Variants in DPPA2 observed in about 807,000 individuals in gnomAD.
The protein encoded by DPPA2 is developmental pluripotency associated 2.
A neutral mutation model predicts 36.2 loss-of-function variants in DPPA2; 26 were observed. The ratio of observed to expected loss-of-function variants is 0.72; its 90% CI spans 0.53 to 1.00. The LOEUF (loss-of-function observed/expected upper bound fraction) is 1.00. Ranked by LOEUF, DPPA2 falls within the 50% of genes least tolerant of loss-of-function variation. The pLI is 0.00. For synonymous variants in DPPA2, 113 were observed against 123.2 expected (o/e 0.92, Z 0.55); for missense variants, 361 against 365.1 (o/e 0.99, Z 0.09).
chr3:109,296,822 G>A (rs1440780850), intron 8 of DPPA2, among the ~76,000 whole-genome samples: 2 of 151,930 alleles, frequency 1.3e-5, no homozygotes, highest in African/African-American at 4.8e-5. Context: ...TGTGCAAAAA[G>A]GCCAGGCAAA....
rs1046689381 is a variant in DPPA2, at chr3:109,310,725, C to T, written c.182-1395G>A. Among the ~76,000 whole-genome samples the T allele has an allele frequency of 2.0e-5, 3 of 151,080 alleles. No homozygotes were observed. In the South Asian group the frequency reaches 6.3e-4, roughly 32 times the overall value. ...TTCACTATGTTGGCCAGGCTGGTCT[C>T]GAACGCCTGACCTTGTGATCTGCCC... On this transcript the variant is annotated intron_variant, in intron 3 of 8. Transcript: ENST00000478945.
chr3:109,305,297 C>T (rs1186949821), intron 6 of DPPA2, among the ~76,000 whole-genome samples: 2 of 152,124 alleles, frequency 1.3e-5, no homozygotes, highest in South Asian at 4.1e-4. Flanking sequence ...TATTTACCTT[C>T]TATTTGCTTT....
intron 3 of DPPA2, among the ~76,000 whole-genome samples, chr3:109,310,765 A>G (rs1707694554): frequency 6.6e-6 from 1 of 151,420 alleles, no homozygotes; most frequent in South Asian, 2.1e-4. Flanking sequence ...TGGCCGCCCA[A>G]AGTGCTGGGA....
chr3:109,309,908 C>T (rs1481788029), intron 3 of DPPA2, among the ~76,000 whole-genome samples: 1 of 151,428 alleles, frequency 6.6e-6, no homozygotes, highest in African/African-American at 2.4e-5. Flanking sequence ...ATGGTAAAAC[C>T]CCGTCTCTAC....
At chr3:109,307,133 T>A (rs1489005536) in intron 6 of DPPA2, among the ~76,000 whole-genome samples, 1 of 151,648 alleles carries the variant, frequency 6.6e-6, no homozygotes, top group African/African-American at 2.4e-5. Context: ...CATGCCCGGC[T>A]TTTTTTCGTA....
intron 8 of DPPA2, among the ~76,000 whole-genome samples, chr3:109,299,969 C>T (rs1175283136): frequency 5.9e-5 from 9 of 152,068 alleles, no homozygotes; most frequent in African/African-American, 2.2e-4. Context: ...AAGTTACTAA[C>T]AGAGGAAAAT....
rs1057353021 is a variant in DPPA2, at chr3:109,314,422, T to C, written c.33+88A>G. 3 of 1,350,248 alleles carry C rather than the reference T, an allele frequency of 2.2e-6. No individual in the cohort carries two copies. The African/African-American group carries it at 4.4e-5, about 20-fold the overall frequency. The allele number at this position is 1,350,248 out of a possible 1,614,324, so 83.6% of individuals were successfully genotyped here. ...GATTTCTTACATCCAGGAATGAAGATTTGTGGTAAAAGAGAAACATAAGGG... is the reference window on the plus strand; with the variant it reads ...GATTTCTTACATCCAGGAATGAAGACTTGTGGTAAAAGAGAAACATAAGGG... On this transcript the variant is annotated intron_variant, in intron 2 of 8. Coordinates refer to ENST00000478945, the MANE Select transcript of DPPA2 (RefSeq NM_138815.4).
Position 109,300,395 on chromosome 3 carries a change from A to T in DPPA2, c.895T>A (p.Ter299LysextTer5). Residue 299 changes from the stop codon to lysine, a stop_lost, in exon 8 of 9, where the codon TAG (stop) becomes AAG (lysine). Transcript: ENST00000478945. ...MMKRLMTVEK[*>K] ...CATTGTATTCAAACAGGTTGCTGCT[A>T]CTTCTCTACTGTCATTAATCTTTTC... 1 of 1,613,822 alleles carries T rather than the reference A, an allele frequency of 6.2e-7. No individual in the cohort carries two copies. Among genetic ancestry groups the T allele is most frequent in the Non-Finnish European group, 8.5e-7 (1 of 1,179,788 alleles).
intron 3 of DPPA2, 21 bp from the exon 4 acceptor site, chr3:109,309,351 A>C (rs1707653058): frequency 6.2e-7 from 1 of 1,611,344 alleles, no homozygotes; most frequent in Non-Finnish European, 8.5e-7. Context: ...AATGGAACCA[A>C]AGTAGTAATA....
intron 7 of DPPA2, 98 bp from the exon 8 acceptor site, chr3:109,300,533 A>G: frequency 1.6e-6 from 2 of 1,231,398 alleles, no homozygotes; most frequent in Non-Finnish European, 2.4e-6. Context: ...TAAAGCATGC[A>G]CTTCTGGGCC....
chr3:109,310,959 G>A (rs1707699311), intron 3 of DPPA2, among the ~76,000 whole-genome samples: 1 of 151,930 alleles, frequency 6.6e-6, no homozygotes, highest in Non-Finnish European at 1.5e-5. Context: ...GTGCCACCAT[G>A]CCTGGATAAT....
At chr3:109,309,811 C>A (rs566088317) in intron 3 of DPPA2, among the ~76,000 whole-genome samples, 1 of 152,126 alleles carries the variant, frequency 6.6e-6, no homozygotes, top group African/African-American at 2.4e-5. Context: ...CACGGTGGCT[C>A]ACACCTATAA....
At chr3:109,312,435 G>A (rs556401814) in intron 3 of DPPA2, 110 bp downstream of exon 3, 2 of 1,350,934 alleles carry the variant, frequency 1.5e-6, no homozygotes, top group East Asian at 4.6e-5. Flanking sequence ...AACAAGGTGA[G>A]ATTTAAGCTG....
chr3:109,307,482 A>G (rs1311257779), intron 6 of DPPA2, among the ~76,000 whole-genome samples: 2 of 151,696 alleles, frequency 1.3e-5, no homozygotes, highest in Non-Finnish European at 2.9e-5. Context: ...GGGTGCCTGT[A>G]ATTCCAGCTA....
chr3:109,299,083 G>C (rs370514660), intron 8 of DPPA2, among the ~76,000 whole-genome samples: 1 of 151,850 alleles, frequency 6.6e-6, no homozygotes, highest in Admixed American at 6.6e-5. Context: ...AAAGAGGCCG[G>C]GCACGGTGGC....
intron 6 of DPPA2, among the ~76,000 whole-genome samples, chr3:109,305,632 G>T (rs1375711904): frequency 6.6e-6 from 1 of 152,088 alleles, no homozygotes; most frequent in East Asian, 1.9e-4. Context: ...AAATTAGCTG[G>T]GTGTGGTGGC....
chr3:109,314,427 G>T (rs1210616645), intron 2 of DPPA2, 83 bp downstream of exon 2: 6 of 1,380,222 alleles, frequency 4.3e-6, no homozygotes, highest in Non-Finnish European at 2.0e-6. Context: ...GAAGATTTGT[G>T]GTAAAAGAGA....
rs1207627651 is a variant in DPPA2 at position 109,293,990 on chromosome 3, T to A, written c.*37A>T. 6.6e-6 allele frequency: 1 copy of A among 152,158 alleles called. No homozygotes were observed. Among genetic ancestry groups the A allele is most frequent in the Non-Finnish European group, 1.5e-5 (1 of 68,036 alleles). The allele number at this position is 152,158 out of a possible 1,614,324, so 9.4% of individuals were successfully genotyped here. A position where few individuals can be genotyped will look rare whatever the true frequency, so the allele number is the denominator to read the frequency against. The stretch of plus-strand genomic sequence containing the variant: ...ATAGGTTACATGATCTGAAAGTACA[T>A]CCCTCCTTTAGTACCTAGAAGCAAA... On this transcript the variant is annotated 3_prime_UTR_variant, in exon 9 of 9. Coordinates refer to ENST00000478945, the MANE Select transcript of DPPA2 (RefSeq NM_138815.4).
At chr3:109,315,752 G>A (rs971264973) in intron 1 of DPPA2, among the ~76,000 whole-genome samples, 4 of 152,082 alleles carry the variant, frequency 2.6e-5, no homozygotes, top group African/African-American at 4.8e-5. Context: ...GACCTGGCAC[G>A]GTGGCTCATG....
Sources: gnomAD v4.1 joint callset for allele counts (sites outside exome capture counted in the v4.1 genomes callset) on GRCh38, gnomAD v4.1.1 for gene constraint, MANE v1.5 for transcripts, NCBI Gene and HGNC (gene_info 2026-07-23, HGNC 2026-07-21) for gene names.